The following BRINP3 variants were observed in gnomAD, a reference collection of about 807,000 sequenced individuals.
BRINP3 encodes BMP/retinoic acid-inducible neural-specific protein 3.
BRINP3 carries 19 observed loss-of-function variants against 71.0 expected under a neutral mutation model. That is an observed-to-expected ratio of 0.27 (90% CI 0.19 to 0.39). BRINP3 has a LOEUF of 0.39. Ranked by LOEUF, BRINP3 falls within the 10% of genes least tolerant of loss-of-function variation. The pLI, the probability that BRINP3 is intolerant of heterozygous loss-of-function variation, is 1.00. For missense variants in BRINP3, 959 were observed against 940.8 expected, an observed-to-expected ratio of 1.02 and a Z score of -0.25; for synonymous variants, 380 against 337.7, an observed-to-expected ratio of 1.13 and a Z score of -1.37.
At chr1:190,148,389 C>T (rs1029568384) in intron 7 of BRINP3, among the ~76,000 whole-genome samples, 1 of 151,638 alleles carries the variant, frequency 6.6e-6, no homozygotes, top group Non-Finnish European at 1.5e-5. Flanking sequence ...GTCAGGAGAT[C>T]GAAACCATCC....
At chr1:190,345,099 T>C (rs558744752) in intron 2 of BRINP3, among the ~76,000 whole-genome samples, 1 of 151,970 alleles carries the variant, frequency 6.6e-6, no homozygotes, top group East Asian at 1.9e-4. Flanking sequence ...TTAGTCAGGG[T>C]CCTTGTTCAT....
intron 3 of BRINP3, among the ~76,000 whole-genome samples, chr1:190,276,218 ATTAT>A (rs899328304): frequency 3.9e-4 from 59 of 151,764 alleles, no homozygotes; most frequent in African/African-American, 1.3e-3. Context: ...TAAGAAATAA[ATTAT>A]TTATGTGTGT....
At chr1:190,330,786 T>C (rs549434258) in intron 2 of BRINP3, among the ~76,000 whole-genome samples, 8 of 152,172 alleles carry the variant, frequency 5.3e-5, no homozygotes, top group African/African-American at 1.9e-4. Context: ...AACCATGGAA[T>C]ACTATACCAC....
intron 2 of BRINP3, among the ~76,000 whole-genome samples, chr1:190,337,587 C>T (rs1667373486): frequency 1.3e-5 from 2 of 151,816 alleles, no homozygotes; most frequent in African/African-American, 4.8e-5. Context: ...CCAAATTCTT[C>T]AGCTTTTGGA....
intron 3 of BRINP3, among the ~76,000 whole-genome samples, chr1:190,275,695 C>T (rs1030458664): frequency 3.3e-5 from 5 of 151,458 alleles, no homozygotes; most frequent in African/African-American, 1.2e-4. Flanking sequence ...TATAAAAGAA[C>T]CAGAAAAAAT....
chr1:190,301,416 C>G (rs1171475751), intron 2 of BRINP3, among the ~76,000 whole-genome samples: 1 of 150,544 alleles, frequency 6.6e-6, no homozygotes, highest in Non-Finnish European at 1.5e-5. Context: ...TTTCACTTCA[C>G]CTGTCAAAAT....
At chr1:190,278,429 T>A (rs1317281563) in intron 3 of BRINP3, among the ~76,000 whole-genome samples, 1 of 151,600 alleles carries the variant, frequency 6.6e-6, no homozygotes, top group Non-Finnish European at 1.5e-5. Flanking sequence ...ACAGTGAAGG[T>A]TAAATGATAA....
intron 7 of BRINP3, among the ~76,000 whole-genome samples, chr1:190,119,142 A>G (rs1007303680): frequency 2.6e-5 from 4 of 152,242 alleles, no homozygotes; most frequent in East Asian, 1.9e-4. Context: ...CTGTACTTTT[A>G]TTATCAGAAT....
intron 4 of BRINP3, among the ~76,000 whole-genome samples, chr1:190,249,494 T>C (rs1659921427): frequency 6.6e-6 from 1 of 151,900 alleles, no homozygotes; most frequent in African/African-American, 2.4e-5. Context: ...AATAGATTTT[T>C]CAAATGTAAA....
At chr1:190,466,636 T>C (rs1676770051) in intron 1 of BRINP3, among the ~76,000 whole-genome samples, 1 of 151,632 alleles carries the variant, frequency 6.6e-6, no homozygotes, top group South Asian at 2.1e-4. Flanking sequence ...TTACAAATAT[T>C]ATTAGTAAAC....
At chr1:190,289,773 AT>A (rs976436971) in intron 2 of BRINP3, among the ~76,000 whole-genome samples, 3 of 151,972 alleles carry the variant, frequency 2.0e-5, no homozygotes, top group African/African-American at 7.2e-5. Context: ...CACTAACAAT[AT>A]GTGGGAACTG....
intron 2 of BRINP3, among the ~76,000 whole-genome samples, chr1:190,377,889 T>C (rs1670283760): frequency 6.6e-6 from 1 of 152,096 alleles, no homozygotes; most frequent in Non-Finnish European, 1.5e-5. Context: ...TTCTAAATAA[T>C]TGAAAAGACA....
chr1:190,193,296 A>T (rs1654204613), intron 6 of BRINP3, among the ~76,000 whole-genome samples: 1 of 152,050 alleles, frequency 6.6e-6, no homozygotes, highest in Non-Finnish European at 1.5e-5. Context: ...GTTTTAGAAG[A>T]GATGAGAGGT....
chr1:190,351,448 A>G (rs1668379786), intron 2 of BRINP3, among the ~76,000 whole-genome samples: 1 of 152,152 alleles, frequency 6.6e-6, no homozygotes, highest in Non-Finnish European at 1.5e-5. Context: ...AATTCATAGG[A>G]ATGAAATTCT....
chr1:190,207,559 A>G (rs1264122331), intron 6 of BRINP3, among the ~76,000 whole-genome samples: 1 of 152,138 alleles, frequency 6.6e-6, no homozygotes, highest in African/African-American at 2.4e-5. Flanking sequence ...TCTCAGTGAC[A>G]GGCCATTTAG....
At chr1:190,103,086 G>C (rs1378535431) in intron 7 of BRINP3, among the ~76,000 whole-genome samples, 1 of 152,062 alleles carries the variant, frequency 6.6e-6, no homozygotes, top group Non-Finnish European at 1.5e-5. Context: ...AAGAGGACTA[G>C]AGTAGGAGTG....
intron 2 of BRINP3, among the ~76,000 whole-genome samples, chr1:190,380,470 T>C (rs1670477794): frequency 6.6e-6 from 1 of 152,204 alleles, no homozygotes; most frequent in Non-Finnish European, 1.5e-5. Context: ...AAGGGAGATC[T>C]GTATAGGAGA....
intron 2 of BRINP3, among the ~76,000 whole-genome samples, chr1:190,433,206 G>C (rs757826694): frequency 1.3e-5 from 2 of 152,026 alleles, no homozygotes; most frequent in East Asian, 3.9e-4. Flanking sequence ...TCTTCTTTCT[G>C]CTATTATTTG....
intron 1 of BRINP3, among the ~76,000 whole-genome samples, chr1:190,458,826 A>G (rs558659450): frequency 6.6e-6 from 1 of 152,070 alleles, no homozygotes; most frequent in African/African-American, 2.4e-5. Flanking sequence ...AATGCAAAAT[A>G]GTCCAGAATT....
Sources: allele counts gnomAD v4.1 joint callset (sites outside exome capture counted in the v4.1 genomes callset), GRCh38; gene constraint gnomAD v4.1.1; transcripts MANE v1.5; gene names NCBI Gene and HGNC (gene_info 2026-07-23, HGNC 2026-07-21).